MID1: variants seen among roughly 807,000 people sequenced by gnomAD.
The protein encoded by MID1 is E3 ubiquitin-protein ligase Midline-1.
In MID1, 7 loss-of-function variants were observed where a neutral mutation model predicts 40.4. That is an observed-to-expected ratio of 0.17 (90% CI 0.10 to 0.33). The LOEUF (loss-of-function observed/expected upper bound fraction) is 0.33. Ranked by LOEUF, MID1 falls within the 10% of genes least tolerant of loss-of-function variation. The probability of loss-of-function intolerance (pLI) is 1.00; values close to 1 mark genes in which losing one functional copy is unlikely to be tolerated. For synonymous variants in MID1, 229 were observed against 221.2 expected (o/e 1.04, Z -0.31); for missense variants, 367 against 558.5 (o/e 0.66, Z 3.46).
chrX:10,518,738 G>C (rs370888465), intron 3 of MID1, among the ~76,000 whole-genome samples: 13 of 111,285 alleles, frequency 1.2e-4, no homozygotes, highest in East Asian at 8.4e-4. Flanking sequence ...TTTTTATCTA[G>C]AATAAATTTC....
At chrX:10,652,398 A>G (rs1047827100) in intron 1 of MID1, among the ~76,000 whole-genome samples, 13 of 110,784 alleles carry the variant, frequency 1.2e-4, no homozygotes, top group African/African-American at 4.3e-4. Flanking sequence ...CTTATAAGAA[A>G]ATCCTGTTGA....
chrX:10,658,574 C>A (rs1218974497), intron 1 of MID1, among the ~76,000 whole-genome samples: 1 of 108,581 alleles, frequency 9.2e-6, no homozygotes, highest in Non-Finnish European at 1.9e-5. Flanking sequence ...ATATTAGAGG[C>A]ACTCCAACTC....
At chrX:10,539,174 C>T (rs981048969) in intron 2 of MID1, among the ~76,000 whole-genome samples, 3 of 111,878 alleles carry the variant, frequency 2.7e-5, no homozygotes, top group Non-Finnish European at 5.6e-5. Flanking sequence ...TCCAATGTAA[C>T]ATTATTTTAC....
intron 1 of MID1, among the ~76,000 whole-genome samples, chrX:10,610,271 A>G (rs934048116): frequency 3.6e-5 from 4 of 112,141 alleles, no homozygotes; most frequent in Admixed American, 9.5e-5. Flanking sequence ...TAGAAACTGC[A>G]TTTGCCCTTT....
At chrX:10,615,283 G>A (rs1396255878) in intron 1 of MID1, among the ~76,000 whole-genome samples, 1 of 112,064 alleles carries the variant, frequency 8.9e-6, no homozygotes, top group Admixed American at 9.4e-5. Context: ...TTTGAGGGCA[G>A]GGGCCTTACC....
At chrX:10,462,806 G>T (rs1929128381) in intron 7 of MID1, among the ~76,000 whole-genome samples, 1 of 111,626 alleles carries the variant, frequency 9.0e-6, no homozygotes, top group Non-Finnish European at 1.9e-5. Context: ...CACATGATGT[G>T]GACAGTCTTA....
chrX:10,556,130 G>A (rs974086801), intron 2 of MID1, among the ~76,000 whole-genome samples: 1 of 110,137 alleles, frequency 9.1e-6, no homozygotes, highest in Non-Finnish European at 1.9e-5. Flanking sequence ...CCCTGAGCTC[G>A]TCTGACTAGT....
At chrX:10,766,912 A>G (rs1180093947) in intron 1 of MID1, among the ~76,000 whole-genome samples, 1 of 109,417 alleles carries the variant, frequency 9.1e-6, no homozygotes, top group African/African-American at 3.3e-5. Context: ...CTGCCTCAAA[A>G]AAAAAAAAAA....
At chrX:10,770,809 T>A (rs1281698997) in intron 1 of MID1, among the ~76,000 whole-genome samples, 1 of 112,177 alleles carries the variant, frequency 8.9e-6, no homozygotes, top group Non-Finnish European at 1.9e-5. Flanking sequence ...TTCCTTAAGA[T>A]TCTTTTTATA....
intron 1 of MID1, among the ~76,000 whole-genome samples, chrX:10,747,563 G>A (rs1392970283): frequency 8.9e-6 from 1 of 112,264 alleles, no homozygotes; most frequent in South Asian, 3.7e-4. Context: ...GACTATTTGA[G>A]ACAGTCATGA....
rs1229743218 is a variant in MID1, at chrX:10,548,929, T to C, written c.660+17959A>G. Among the ~76,000 whole-genome samples, 16 of 112,131 alleles carry C rather than the reference T, an allele frequency of 1.4e-4. No individual in the cohort carries two copies. The Admixed American group carries it at 1.5e-3, about 11-fold the overall frequency. On this transcript the variant is annotated intron_variant, in intron 2 of 9. Coordinates refer to ENST00000317552, the MANE Select transcript of MID1 (RefSeq NM_000381.4). Reference sequence around the variant, plus strand: ...GAGTCATCAGCACAGTAAGGAAGAATTAAGAGATTTTCAACTGATTCCTTT... The same window carrying C: ...GAGTCATCAGCACAGTAAGGAAGAACTAAGAGATTTTCAACTGATTCCTTT...
intron 1 of MID1, among the ~76,000 whole-genome samples, chrX:10,741,076 C>A (rs1034927755): frequency 8.9e-6 from 1 of 111,804 alleles, no homozygotes; most frequent in African/African-American, 3.2e-5. Flanking sequence ...TCATTGTGAT[C>A]GTGCAAAGGA....
At chrX:10,669,112 G>A (rs955026212) in intron 1 of MID1, among the ~76,000 whole-genome samples, 1 of 105,866 alleles carries the variant, frequency 9.4e-6, no homozygotes, top group Non-Finnish European at 1.9e-5. Flanking sequence ...CCAGCTACTC[G>A]GGAGGCTGAG....
At chrX:10,496,685 G>A (rs1338493137) in intron 3 of MID1, among the ~76,000 whole-genome samples, 1 of 112,250 alleles carries the variant, frequency 8.9e-6, no homozygotes, top group African/African-American at 3.2e-5. Flanking sequence ...TTTAATTGGA[G>A]TAATTTCATT....
chrX:10,767,419 C>T (rs1000759419), intron 1 of MID1, among the ~76,000 whole-genome samples: 4 of 110,787 alleles, frequency 3.6e-5, no homozygotes, highest in African/African-American at 1.3e-4. Flanking sequence ...CTCCCAGGTT[C>T]ATGCCATTCT....
chrX:10,683,440 A>G (rs1602514969), intron 1 of MID1, among the ~76,000 whole-genome samples: 1 of 110,818 alleles, frequency 9.0e-6, no homozygotes. Flanking sequence ...TACTCGGGAG[A>G]CTGAGGTGGG....
chrX:10,589,582 C>G (rs1935230100), intron 1 of MID1: 1 of 111,838 alleles, frequency 8.9e-6, no homozygotes. Context: ...AAAGACTAGT[C>G]TTACCAAGTT....
chrX:10,651,890 T>C (rs1223138912), intron 1 of MID1, among the ~76,000 whole-genome samples: 1 of 111,800 alleles, frequency 8.9e-6, no homozygotes, highest in Non-Finnish European at 1.9e-5. Context: ...TGCCTCCCAA[T>C]GTGCTCGGAT....
intron 1 of MID1, among the ~76,000 whole-genome samples, chrX:10,789,741 T>C: frequency 8.9e-6 from 1 of 112,058 alleles, no homozygotes; most frequent in Admixed American, 9.4e-5. Context: ...AGTGGCCTAA[T>C]AATACCTAAG....
Sources: gnomAD v4.1 joint callset for allele counts (sites outside exome capture counted in the v4.1 genomes callset) on GRCh38, gnomAD v4.1.1 for gene constraint, MANE v1.5 for transcripts, NCBI Gene and HGNC (gene_info 2026-07-23, HGNC 2026-07-21) for gene names.